Variants in PTPRE observed in about 807,000 individuals in gnomAD.
PTPRE encodes the protein protein tyrosine phosphatase receptor type E, also known as receptor-type tyrosine-protein phosphatase epsilon.
PTPRE carries 51 observed loss-of-function variants against 102.0 expected under a neutral mutation model. The ratio of observed to expected loss-of-function variants is 0.50; its 90% CI spans 0.40 to 0.63. The LOEUF (loss-of-function observed/expected upper bound fraction) is 0.63. Among genes scored for constraint, PTPRE ranks in the 30% least tolerant of loss-of-function variants. The pLI is 0.00. For missense variants in PTPRE, 752 were observed against 915.1 expected, an observed-to-expected ratio of 0.82 and a Z score of 2.30; for synonymous variants, 345 against 348.2, an observed-to-expected ratio of 0.99 and a Z score of 0.10.
Position 128,069,744 on chromosome 10 carries a change from A to G in PTPRE, c.1060A>G (p.Met354Val). Residue 354 changes from methionine (M) to valine (V), a missense_variant, in exon 13 of 21, where the codon ATG becomes GTG. Coordinates refer to ENST00000254667, the MANE Select transcript of PTPRE (RefSeq NM_006504.6). The stretch of plus-strand genomic sequence containing the variant: ...CATTGTGATCGATGCCATGATGGCC[A>G]TGATGCACGCGGAGCAGAAGGTGGA... The part of the protein sequence containing the change: ...TFIVIDAMMA[M>V]MHAEQKVDVF... The G allele has an allele frequency of 1.2e-6, 2 of 1,614,200 alleles. No individual in the cohort carries two copies. The highest frequency in any genetic ancestry group is 1.7e-6 in the Non-Finnish European group (2 of 1,180,038).
chr10:128,061,274 G>C (rs991879661), intron 8 of PTPRE, among the ~76,000 whole-genome samples: 22 of 152,186 alleles, frequency 1.4e-4, no homozygotes, highest in African/African-American at 5.3e-4. Context: ...AGGGAGCATG[G>C]GTAGTTAAAC....
intron 7 of PTPRE, among the ~76,000 whole-genome samples, chr10:128,057,649 A>G (rs576499699): frequency 6.6e-6 from 1 of 152,240 alleles, no homozygotes; most frequent in South Asian, 2.1e-4. Context: ...CCATGATCCA[A>G]TGAAAACTGG....
In PTPRE at chr10:127,948,637, C is replaced by T. The variant is rs78872312; in HGVS notation, c.-30-33637C>T. 5.9e-3 allele frequency among the ~76,000 whole-genome samples: 894 copies of T among 152,292 alleles called. 13 individuals are homozygous for T. Among genetic ancestry groups the T allele is most frequent in the South Asian group, 0.031 (152 of 4,828 alleles). On this transcript the variant is annotated intron_variant, in intron 1 of 20. Transcript: ENST00000254667. Reference sequence around the variant, plus strand: ...AGCTTTTTCAGATTGGCTTCTTTCACTTAATAATACACATTTAAGGTTCTT... The same window carrying T: ...AGCTTTTTCAGATTGGCTTCTTTCATTTAATAATACACATTTAAGGTTCTT...
intron 9 of PTPRE, 180 bp from the exon 10 acceptor site, chr10:128,062,903 G>T: frequency 9.2e-7 from 1 of 1,082,858 alleles, no homozygotes; most frequent in Middle Eastern, 3.2e-4. Context: ...GTGGGTGAGT[G>T]GCAGGACAGG....
At chr10:127,915,963 A>T (rs1040526749) in intron 1 of PTPRE, among the ~76,000 whole-genome samples, 1 of 151,698 alleles carries the variant, frequency 6.6e-6, no homozygotes, top group African/African-American at 2.4e-5. Context: ...ATCCGTACGT[A>T]CAAGCACTGT....
chr10:128,051,730 T>G (rs1848580398), intron 6 of PTPRE, among the ~76,000 whole-genome samples: 1 of 152,246 alleles, frequency 6.6e-6, no homozygotes, highest in Admixed American at 6.5e-5. Flanking sequence ...GGCTGAACAT[T>G]GGAGTCCTTG....
At chr10:127,925,492 G>A (rs1452711498) in intron 1 of PTPRE, among the ~76,000 whole-genome samples, 2 of 152,164 alleles carry the variant, frequency 1.3e-5, no homozygotes, top group East Asian at 3.8e-4. Context: ...CTTGGCAGAC[G>A]GCTACCGCAG....
chr10:127,923,481 G>T (rs567096896), intron 1 of PTPRE, among the ~76,000 whole-genome samples: 1 of 134,386 alleles, frequency 7.4e-6, no homozygotes, highest in African/African-American at 2.9e-5. Context: ...TCGGCTCACC[G>T]CAACCTCTGC....
intron 11 of PTPRE, among the ~76,000 whole-genome samples, chr10:128,066,993 C>T (rs1450215235): frequency 2.7e-5 from 4 of 150,644 alleles, no homozygotes; most frequent in East Asian, 1.9e-4. Flanking sequence ...CACACACAGG[C>T]ACACACACGT....
intron 1 of PTPRE, among the ~76,000 whole-genome samples, chr10:127,938,787 C>T (rs1054240805): frequency 1.3e-5 from 2 of 152,054 alleles, no homozygotes; most frequent in African/African-American, 4.8e-5. Flanking sequence ...GCAGCAGTGC[C>T]AGTCACCTTT....
intron 2 of PTPRE, among the ~76,000 whole-genome samples, chr10:128,013,027 C>T (rs967524344): frequency 2.6e-5 from 4 of 152,100 alleles, no homozygotes; most frequent in Admixed American, 6.6e-5. Context: ...TGAGAGCAAG[C>T]CATGTTATGA....
Position 127,907,292 on chromosome 10 carries a change from C to G in PTPRE, c.-48C>G, listed in dbSNP as rs1845538173. Reference sequence around the variant, plus strand: ...TCCGCTGCAGCGCGATCTGCGCGACCAGACCGGCCCCCCCGAGGTGAGCGC... The same window carrying G: ...TCCGCTGCAGCGCGATCTGCGCGACGAGACCGGCCCCCCCGAGGTGAGCGC... On this transcript the variant is annotated 5_prime_UTR_variant, in exon 1 of 21. Coordinates refer to ENST00000254667, the MANE Select transcript of PTPRE (RefSeq NM_006504.6). The surrounding 1 kb of genome is among the most constrained non-coding windows in gnomAD (Gnocchi z 4.8). 6.1e-6 allele frequency: 6 copies of G among 984,680 alleles called. No individual in the cohort carries two copies. The highest frequency in any genetic ancestry group is 7.2e-6 in the Non-Finnish European group (6 of 829,756). 61.0% of individuals were successfully genotyped at this position (984,680 alleles called of 1,614,324 possible).
chr10:127,951,638 G>A (rs1463353808), intron 1 of PTPRE, among the ~76,000 whole-genome samples: 6 of 152,300 alleles, frequency 3.9e-5, no homozygotes, highest in African/African-American at 1.4e-4. Context: ...CTCAGCAGCT[G>A]GCAGAATCCT....
At chr10:127,989,153 C>T (rs1387754146) in intron 2 of PTPRE, among the ~76,000 whole-genome samples, 1 of 151,906 alleles carries the variant, frequency 6.6e-6, no homozygotes, top group African/African-American at 2.4e-5. Context: ...AGTGCTATAA[C>T]ATATACATAT....
intron 1 of PTPRE, among the ~76,000 whole-genome samples, chr10:127,935,111 C>T (rs894562074): frequency 1.3e-4 from 20 of 152,284 alleles, no homozygotes; most frequent in Admixed American, 1.0e-3. Context: ...CACCAGGACG[C>T]GTGACTGACA....
intron 1 of PTPRE, among the ~76,000 whole-genome samples, chr10:127,960,687 A>G (rs1476773228): frequency 6.6e-6 from 1 of 152,188 alleles, no homozygotes; most frequent in Non-Finnish European, 1.5e-5. Context: ...GCTCTGATTT[A>G]TCAGCATTTA....
intron 1 of PTPRE, among the ~76,000 whole-genome samples, chr10:127,940,152 T>C (rs910455790): frequency 1.3e-5 from 2 of 152,026 alleles, no homozygotes; most frequent in African/African-American, 4.8e-5. Context: ...GGCAAGAGGA[T>C]GCCAGCTGCC....
chr10:128,066,840 C>T (rs1181047391), intron 11 of PTPRE, among the ~76,000 whole-genome samples: 1 of 152,182 alleles, frequency 6.6e-6, no homozygotes, highest in Admixed American at 6.5e-5. Flanking sequence ...TATCCTATCC[C>T]CTGCTGGCAT....
intron 1 of PTPRE, among the ~76,000 whole-genome samples, chr10:127,954,297 T>G (rs1849243784): frequency 6.6e-6 from 1 of 152,170 alleles, no homozygotes; most frequent in Admixed American, 6.5e-5. Context: ...GAGATCAACA[T>G]GGGGTCCCCA....
Sources: allele counts gnomAD v4.1 joint callset (sites outside exome capture counted in the v4.1 genomes callset), GRCh38; gene constraint gnomAD v4.1.1; non-coding constraint Gnocchi (gnomAD v3.1); transcripts MANE v1.5; gene names NCBI Gene and HGNC (gene_info 2026-07-23, HGNC 2026-07-21).